LINGO2: variants seen among roughly 807,000 people sequenced by gnomAD.
The protein encoded by LINGO2 is leucine-rich repeat and immunoglobulin-like domain-containing nogo receptor-interacting protein 2.
Under a neutral mutation model 30.6 loss-of-function variants are expected in LINGO2, and 14 were observed. The ratio of observed to expected loss-of-function variants is 0.46; its 90% CI spans 0.30 to 0.72. The LOEUF (loss-of-function observed/expected upper bound fraction) is 0.72, where lower values mean the gene tolerates loss of function less well. LINGO2 is among the 30% of genes least tolerant of loss of function. LINGO2 has a pLI of 0.07. For missense variants in LINGO2, 729 were observed against 751.7 expected, an observed-to-expected ratio of 0.97 and a Z score of 0.35; for synonymous variants, 317 against 288.5, an observed-to-expected ratio of 1.10 and a Z score of -1.00.
intron 1 of LINGO2, among the ~76,000 whole-genome samples, chr9:28,622,379 T>A (rs1198975507): frequency 6.6e-6 from 1 of 151,956 alleles, no homozygotes; most frequent in Non-Finnish European, 1.5e-5. Context: ...TTTATTTTAA[T>A]TTTAATTAAT....
intron 1 of LINGO2, among the ~76,000 whole-genome samples, chr9:28,648,467 G>A (rs1827940778): frequency 6.6e-6 from 1 of 152,038 alleles, no homozygotes; most frequent in African/African-American, 2.4e-5. Flanking sequence ...AGTGAATCCA[G>A]TGAACCTAAT....
At chr9:28,583,036 GA>G (rs1450947550) in intron 1 of LINGO2, among the ~76,000 whole-genome samples, 6 of 151,842 alleles carry the variant, frequency 4.0e-5, no homozygotes, top group Non-Finnish European at 5.9e-5. Context: ...TTAAATGAGG[GA>G]AAAATGCTTT....
chr9:28,467,636 A>C (rs899251323), intron 2 of LINGO2, among the ~76,000 whole-genome samples: 4 of 152,152 alleles, frequency 2.6e-5, no homozygotes, highest in African/African-American at 9.7e-5. Context: ...AAATTGAAGA[A>C]GTAAATATTT....
chr9:28,803,139 C>G, the LINGO2 span, among the ~76,000 whole-genome samples: 1 of 152,032 alleles, frequency 6.6e-6, no homozygotes, highest in Middle Eastern at 3.2e-3. Flanking sequence ...GCTATGCAGA[C>G]TGTATCATCG....
the LINGO2 span, among the ~76,000 whole-genome samples, chr9:29,169,544 A>G: frequency 6.6e-6 from 1 of 152,166 alleles, no homozygotes; most frequent in African/African-American, 2.4e-5. Flanking sequence ...TAATATCACT[A>G]ATCATCAGAG....
chr9:29,120,046 A>G, the LINGO2 span, among the ~76,000 whole-genome samples: 1 of 152,160 alleles, frequency 6.6e-6, no homozygotes, highest in Non-Finnish European at 1.5e-5. Context: ...AGGTTGGAGT[A>G]TTCTACTTTG....
intron 2 of LINGO2, among the ~76,000 whole-genome samples, chr9:28,436,146 C>T (rs952156738): frequency 6.6e-6 from 1 of 152,150 alleles, no homozygotes; most frequent in Admixed American, 6.5e-5. Context: ...TAGCAACAAC[C>T]TGTAATTGCA....
intron 1 of LINGO2, among the ~76,000 whole-genome samples, chr9:28,564,073 C>A (rs1332466645): frequency 6.6e-6 from 1 of 152,120 alleles, no homozygotes; most frequent in Admixed American, 6.5e-5. Context: ...GAGACCATGA[C>A]TATTCAGAAC....
intron 5 of LINGO2, among the ~76,000 whole-genome samples, chr9:27,985,445 C>T (rs568723636): frequency 6.6e-6 from 1 of 151,992 alleles, no homozygotes; most frequent in African/African-American, 2.4e-5. Context: ...GACTCAGGAG[C>T]CCTTGGCTTG....
the LINGO2 span, among the ~76,000 whole-genome samples, chr9:28,896,419 G>A: frequency 7.9e-5 from 12 of 152,124 alleles, no homozygotes; most frequent in East Asian, 3.9e-4. Flanking sequence ...TTTATCATAC[G>A]TATCACTATT....
At chr9:28,365,321 G>A (rs1007341748) in intron 3 of LINGO2, among the ~76,000 whole-genome samples, 2 of 152,126 alleles carry the variant, frequency 1.3e-5, no homozygotes, top group African/African-American at 4.8e-5. Context: ...GGGCCAGATT[G>A]TGAAAAATGT....
intron 4 of LINGO2, among the ~76,000 whole-genome samples, chr9:28,239,115 C>G (rs1821685231): frequency 6.6e-6 from 1 of 151,874 alleles, no homozygotes; most frequent in South Asian, 2.1e-4. Context: ...CTGAGCAGAC[C>G]AATAACAAGT....
At chr9:28,232,907 C>T (rs985909256) in intron 4 of LINGO2, among the ~76,000 whole-genome samples, 1 of 151,280 alleles carries the variant, frequency 6.6e-6, no homozygotes, top group African/African-American at 2.4e-5. Flanking sequence ...ATTAACTACT[C>T]ACCCATGCAT....
At chr9:28,582,209 T>A (rs1015500763) in intron 1 of LINGO2, among the ~76,000 whole-genome samples, 1 of 152,106 alleles carries the variant, frequency 6.6e-6, no homozygotes, top group African/African-American at 2.4e-5. Flanking sequence ...AATATCTGGA[T>A]AATTCCTTAT....
chr9:29,011,351 C>T, the LINGO2 span, among the ~76,000 whole-genome samples: 2 of 152,032 alleles, frequency 1.3e-5, no homozygotes, highest in Admixed American at 1.3e-4. Context: ...TTTCTTGCAC[C>T]TACTAGCACA....
the LINGO2 span, among the ~76,000 whole-genome samples, chr9:29,167,691 T>C: frequency 1.3e-5 from 2 of 152,160 alleles, no homozygotes; most frequent in South Asian, 4.1e-4. Context: ...CTTCACTACA[T>C]ACTGTTGAGC....
chr9:28,417,318 A>G (rs752531656), intron 2 of LINGO2, among the ~76,000 whole-genome samples: 9 of 152,216 alleles, frequency 5.9e-5, no homozygotes, highest in Non-Finnish European at 1.3e-4. Flanking sequence ...ATGAAAGCCA[A>G]CACAGTCCTA....
intron 4 of LINGO2, among the ~76,000 whole-genome samples, chr9:28,039,225 T>C (rs1824088010): frequency 6.6e-6 from 1 of 152,190 alleles, no homozygotes; most frequent in Admixed American, 6.5e-5. Flanking sequence ...CTATAAATGT[T>C]TCCCAGAGGA....
At chr9:28,837,649 AATATATATATACAT>A in the LINGO2 span, among the ~76,000 whole-genome samples, 52 of 75,834 alleles carry the variant, frequency 6.9e-4, 5 homozygotes, top group East Asian at 2.8e-3. Flanking sequence ...CTCCGTCTAA[AATATATATATACAT>A]ATATATATAT....
Sources: gnomAD v4.1 joint callset for allele counts (sites outside exome capture counted in the v4.1 genomes callset) on GRCh38, gnomAD v4.1.1 for gene constraint, MANE v1.5 for transcripts, NCBI Gene and HGNC (gene_info 2026-07-23, HGNC 2026-07-21) for gene names.